Variants in TBX21 observed in about 807,000 individuals in gnomAD.
TBX21 encodes T-box transcription factor TBX21.
TBX21 carries 11 observed loss-of-function variants against 52.2 expected under a neutral mutation model. The ratio of observed to expected loss-of-function variants is 0.21; its 90% CI spans 0.13 to 0.35. TBX21 has a LOEUF of 0.35. TBX21 is among the 10% of genes least tolerant of loss of function. TBX21 has a pLI of 1.00. For synonymous variants in TBX21, 300 were observed against 316.1 expected (o/e 0.95, Z 0.54); for missense variants, 625 against 755.1 (o/e 0.83, Z 2.02).
chr17:47,744,338 C>T lies in TBX21; in HGVS notation c.912C>T (p.Ala304=), dbSNP rs2032304149. ...FQETQFIAVT[A]YQNAEITQLK... is the part of the protein sequence containing the mutation. ...AAACCCAGTTCATTGCCGTGACTGCCTACCAGAATGCCGAGGTGAGGGCTG... is the reference window on the plus strand; with the variant it reads ...AAACCCAGTTCATTGCCGTGACTGCTTACCAGAATGCCGAGGTGAGGGCTG... Residue 304 remains alanine, a synonymous_variant, in exon 4 of 6, where the codon GCC becomes GCT. Transcript: ENST00000177694. 1.2e-6 allele frequency: 2 copies of T among 1,614,114 alleles called. No individual in the cohort carries two copies. The highest frequency in any genetic ancestry group is 2.7e-5 in the African/African-American group (2 of 74,932).
chr17:47,739,479 C>A (rs1597983797), intron 1 of TBX21, among the ~76,000 whole-genome samples: 2 of 132 alleles, frequency 0.015, no homozygotes, highest in Admixed American at 0.14. Context: ...ATCAGTATGG[C>A]CTGGCGCGGT....
In TBX21 at chr17:47,745,252, G is replaced by A; in HGVS notation, c.1494G>A (p.Lys498=). 2 of 1,614,230 alleles carry A rather than the reference G, an allele frequency of 1.2e-6. No homozygotes were observed. The highest frequency in any genetic ancestry group is 1.7e-6 in the Non-Finnish European group (2 of 1,180,042). Residue 498 remains lysine, a synonymous_variant, in exon 6 of 6, where the codon AAG becomes AAA. Transcript: ENST00000177694. ...SDSGLGEGDS[K]RRRVSPYPSS... is the part of the protein sequence containing the mutation. ...CAGGACTGGGCGAAGGAGACTCTAA[G>A]AGGAGGCGCGTGTCCCCCTATCCTT...
chr17:47,744,399 C>T, intron 4 of TBX21, 46 bp downstream of exon 4: 2 of 1,613,884 alleles, frequency 1.2e-6, no homozygotes, highest in Non-Finnish European at 1.7e-6. Context: ...AGAGTGGGGC[C>T]CACTGTCTTC....
Position 47,742,858 on chromosome 17 carries a change from T to C in TBX21, c.646+94T>C. The C allele has an allele frequency of 6.8e-7, 1 of 1,470,342 alleles. No individual in the cohort carries two copies. Among genetic ancestry groups the C allele is most frequent in the Non-Finnish European group, 9.0e-7 (1 of 1,109,262 alleles). 91.1% of individuals were successfully genotyped at this position (1,470,342 alleles called of 1,614,324 possible). On this transcript the variant is annotated intron_variant, in intron 2 of 5. Transcript: ENST00000177694. This position sits in a 1 kb window ranked among gnomAD's most constrained non-coding sequence, Gnocchi z 4.4. ...AGCCCCTACCCCTAATTCCTAGACC[T>C]TTAACCCCCTCCCACTCCATCCCAC...
chr17:47,743,099 C>T lies in TBX21; in HGVS notation c.675C>T (p.Ser225=), dbSNP rs1432817680. 1 of 1,614,020 alleles carries T rather than the reference C, an allele frequency of 6.2e-7. No homozygotes were observed. Among genetic ancestry groups the T allele is most frequent in the Non-Finnish European group, 8.5e-7 (1 of 1,180,026 alleles). ...ACCGCCTGTACGTCCACCCGGACTC[C>T]CCCAACACAGGAGCGCACTGGATGC... ...PGNRLYVHPD[S]PNTGAHWMRQ... The change falls in exon 3 of 6, where the codon TCC becomes TCT. Residue 225 remains serine (S), a synonymous_variant. Transcript: ENST00000177694.
intron 1 of TBX21, among the ~76,000 whole-genome samples, chr17:47,740,143 G>A (rs1043530500): frequency 2.6e-5 from 4 of 151,480 alleles, no homozygotes; most frequent in Non-Finnish European, 5.9e-5. Flanking sequence ...TCGGGTCACC[G>A]CAACCTTCGC....
Position 47,745,223 on chromosome 17 carries a change from G to A in TBX21, c.1465G>A (p.Asp489Asn). The A allele has an allele frequency of 6.2e-7, 1 of 1,614,250 alleles. No individual in the cohort carries two copies. The highest frequency in any genetic ancestry group is 1.7e-5 in the Admixed American group (1 of 60,030). ...EIAPIRPESS[D>N]SGLGEGDSKR... is the part of the protein sequence containing the mutation. Reference sequence around the variant, plus strand: ...TGCCCCCATCCGGCCGGAATCCAGTGATTCAGGACTGGGCGAAGGAGACTC... The same window carrying A: ...TGCCCCCATCCGGCCGGAATCCAGTAATTCAGGACTGGGCGAAGGAGACTC... The change falls in exon 6 of 6, where the codon GAT becomes AAT. Residue 489 changes from aspartate to asparagine, a missense_variant. Transcript: ENST00000177694.
At position 47,744,551 on chromosome 17, in the gene TBX21, C is replaced by A; in HGVS notation, c.989+8C>A. On this transcript the variant is annotated splice_region_variant and intron_variant, in intron 5 of 5. Transcript: ENST00000177694. ...CCGGGAGAACTTTGAGTCGTAAGTG[C>A]CACTGGGTTCAACTCAGCTTTGGTC... 1 of 1,614,146 alleles carries A rather than the reference C, an allele frequency of 6.2e-7. No homozygotes were observed. The highest frequency in any genetic ancestry group is 8.5e-7 in the Non-Finnish European group (1 of 1,179,988).
In TBX21 at chr17:47,734,029, CT is replaced by C. The variant is rs1216813314; in HGVS notation, c.491+86del. 66 of 1,594,774 alleles carry C rather than the reference CT, an allele frequency of 4.1e-5. No individual in the cohort carries two copies. The South Asian group carries it at 6.8e-4, about 17-fold the overall frequency. ...CGTCTGTTTTTCTGGCTCGACAATG[CT>C]TCTGACTCCGTGTCCCTCACTGCTT... On this transcript the variant is annotated intron_variant, in intron 1 of 5. Coordinates refer to ENST00000177694, the MANE Select transcript of TBX21 (RefSeq NM_013351.2).
intron 1 of TBX21, among the ~76,000 whole-genome samples, chr17:47,735,448 A>G (rs1423586317): frequency 6.6e-6 from 1 of 152,116 alleles, no homozygotes; most frequent in Non-Finnish European, 1.5e-5. Flanking sequence ...ACACAGCCCA[A>G]GCTTCTGGTC....
Position 47,744,192 on chromosome 17 carries a change from C to T in TBX21, c.769-3C>T, listed in dbSNP as rs74476153. 4.2e-4 allele frequency: 685 copies of T among 1,614,122 alleles called. 2 individuals are homozygous for T. In the African/African-American group the frequency reaches 8.0e-3, roughly 19 times the overall value. On this transcript the variant is annotated splice_polypyrimidine_tract_variant and splice_region_variant and intron_variant, in intron 3 of 5. Transcript: ENST00000177694. ...CCCTACAACCGTCTTGCTCTGTCTA[C>T]AGATGATTGTGCTCCAGTCCCTCCA...
At position 47,733,448 on chromosome 17, in the gene TBX21, G is replaced by A. The variant is rs954248912; in HGVS notation, c.-7G>A. ...GACGGCTACGGGAAGGTGCCAGCCC[G>A]CCCCGGATGGGCATCGTGGAGCCGG... On this transcript the variant is annotated 5_prime_UTR_variant, in exon 1 of 6. Coordinates refer to ENST00000177694, the MANE Select transcript of TBX21 (RefSeq NM_013351.2). The surrounding 1 kb of genome is among the most constrained non-coding windows in gnomAD (Gnocchi z 6.6). 1 of 1,481,920 alleles carries A rather than the reference G, an allele frequency of 6.7e-7. No individual in the cohort carries two copies. The highest frequency in any genetic ancestry group is 2.4e-5 in the Admixed American group (1 of 41,868). 91.8% of individuals were successfully genotyped at this position (1,481,920 alleles called of 1,614,324 possible).
chr17:47,740,455 TG>T (rs2032255977), intron 1 of TBX21, among the ~76,000 whole-genome samples: 1 of 151,870 alleles, frequency 6.6e-6, no homozygotes, highest in Non-Finnish European at 1.5e-5. Flanking sequence ...AGATTTGGGC[TG>T]GGTGCAGTGG....
chr17:47,739,891 C>CTGG (rs1345191495), intron 1 of TBX21, among the ~76,000 whole-genome samples: 1 of 150,982 alleles, frequency 6.6e-6, no homozygotes, highest in Non-Finnish European at 1.5e-5. Flanking sequence ...GGGGACAGAG[C>CTGG]GAGACTCTGT....
rs747154476 is a variant in TBX21, at chr17:47,744,543, C to T, written c.989C>T (p.Ser330Phe). 5.6e-6 allele frequency: 9 copies of T among 1,614,032 alleles called. No individual in the cohort carries two copies. Among genetic ancestry groups the T allele is most frequent in the East Asian group, 2.2e-5 (1 of 44,896 alleles). The change falls in exon 5 of 6, where the codon TCC (serine) becomes TTC (phenylalanine). Residue 330 changes from serine (S) to phenylalanine (F), a missense_variant and splice_region_variant. Ser to Phe is a radical substitution (Grantham distance 155). This residue lies in a region of TBX21 where 261 missense variants were observed against 275.1 expected (regional missense o/e 0.95). Transcript: ENST00000177694. ...FAKGFRENFESMYTSVDTSIP... is the reference protein window; with the variant it reads ...FAKGFRENFEFMYTSVDTSIP... ...AAAGGATTCCGGGAGAACTTTGAGT[C>T]GTAAGTGCCACTGGGTTCAACTCAG...
chr17:47,739,196 T>C (rs997424269), intron 1 of TBX21, among the ~76,000 whole-genome samples: 1 of 152,166 alleles, frequency 6.6e-6, no homozygotes, highest in Admixed American at 6.5e-5. Flanking sequence ...CAAAGTGTCA[T>C]GTAAATCAGG....
In TBX21 at chr17:47,733,555, G is replaced by A; in HGVS notation, c.101G>A (p.Arg34His). The A allele has an allele frequency of 6.7e-7, 1 of 1,486,608 alleles. No homozygotes were observed. The highest frequency in any genetic ancestry group is 2.9e-5 in the East Asian group (1 of 33,936). The allele number at this position is 1,486,608 out of a possible 1,614,324, so 92.1% of individuals were successfully genotyped here. ...GCGCCTGGCGCCGACCCGCAGCACC[G>A]CTACTTCTACCCGGAGCCGGGCGCG... ...GRAPGADPQH[R>H]YFYPEPGAQD... Residue 34 changes from arginine to histidine, a missense_variant, in exon 1 of 6, where the codon CGC becomes CAC. Transcript: ENST00000177694. The surrounding 1 kb of genome is among the most constrained non-coding windows in gnomAD (Gnocchi z 6.6).
rs1209775657 is a variant in TBX21, at chr17:47,742,325, G to A, written c.492-285G>A. ...TCGAACTCCTGACCTCAGGTGATCC[G>A]CCCGCCTTGGCCTCTCAAAGTGCTG... On this transcript the variant is annotated intron_variant, in intron 1 of 5. Coordinates refer to ENST00000177694, the MANE Select transcript of TBX21 (RefSeq NM_013351.2). The surrounding 1 kb of genome is among the most constrained non-coding windows in gnomAD (Gnocchi z 4.4). Among the ~76,000 whole-genome samples the A allele has an allele frequency of 1.3e-5, 2 of 152,078 alleles. No individual in the cohort carries two copies. The highest frequency in any genetic ancestry group is 1.9e-4 in the East Asian group (1 of 5,192).
At chr17:47,738,557 G>A (rs532506484) in intron 1 of TBX21, among the ~76,000 whole-genome samples, 1 of 151,908 alleles carries the variant, frequency 6.6e-6, no homozygotes, top group Non-Finnish European at 1.5e-5. Flanking sequence ...AATAGTCTAT[G>A]AGAGGACCCA....
Sources: allele counts gnomAD v4.1 joint callset (sites outside exome capture counted in the v4.1 genomes callset), GRCh38; gene constraint gnomAD v4.1.1; regional missense constraint gnomAD v4.1.1; non-coding constraint Gnocchi (gnomAD v3.1); transcripts MANE v1.5; gene names NCBI Gene and HGNC (gene_info 2026-07-23, HGNC 2026-07-21).